NBAS: variants seen among roughly 807,000 people sequenced by gnomAD.
NBAS encodes NAG/BC035112 fusion.
Under a neutral mutation model 302.5 loss-of-function variants are expected in NBAS, and 219 were observed. That is an observed-to-expected ratio of 0.72 (90% confidence interval 0.65 to 0.81). The LOEUF is 0.81. Ranked by LOEUF, NBAS falls within the 30% of genes least tolerant of loss-of-function variation. The pLI, the probability that NBAS is intolerant of heterozygous loss-of-function variation, is 0.00. For missense variants in NBAS, 2,932 were observed against 2,841.6 expected (o/e 1.03, Z -0.72); for synonymous variants, 1,118 against 1,021.6 (o/e 1.09, Z -1.80).
rs1462293385 is a variant in NBAS at position 15,520,207 on chromosome 2, G to GCTACT, written c.747-8858_747-8857insAGTAG. On this transcript the variant is annotated intron_variant, in intron 9 of 51. Coordinates refer to ENST00000281513, the MANE Select transcript of NBAS (RefSeq NM_015909.4). ...ACTTGAAGCCAAGAGTTAGAGACCAGCTTGAGCAACATGGCAAGACCCCAT... is the reference window on the plus strand; with the variant it reads ...ACTTGAAGCCAAGAGTTAGAGACCAGCTACTCTTGAGCAACATGGCAAGACCCCAT... Among the ~76,000 whole-genome samples the GCTACT allele has an allele frequency of 6.6e-5, 10 of 152,276 alleles. 1 individual carries two copies. The South Asian group carries it at 1.5e-3, about 22-fold the overall frequency.
the NBAS span, among the ~76,000 whole-genome samples, chr2:14,951,243 C>T: frequency 2.2e-4 from 33 of 152,242 alleles, no homozygotes; most frequent in Non-Finnish European, 4.3e-4. Context: ...TGGAGCTATC[C>T]AAATGAGGAA....
the NBAS span, among the ~76,000 whole-genome samples, chr2:14,899,292 A>T: frequency 6.6e-6 from 1 of 152,252 alleles, no homozygotes; most frequent in African/African-American, 2.4e-5. Context: ...CTGTGCCCAC[A>T]GCAGTCCAGA....
At chr2:15,464,501 T>C (rs1335955417) in intron 19 of NBAS, among the ~76,000 whole-genome samples, 1 of 152,122 alleles carries the variant, frequency 6.6e-6, no homozygotes, top group Non-Finnish European at 1.5e-5. Flanking sequence ...ACTCCACTTC[T>C]ATAATCATGC....
chr2:14,823,080 G>A, the NBAS span, among the ~76,000 whole-genome samples: 1 of 152,186 alleles, frequency 6.6e-6, no homozygotes, highest in East Asian at 1.9e-4. Flanking sequence ...ATAAATTTTA[G>A]ATAGAATTTT....
chr2:15,160,584 GC>G, the NBAS span, among the ~76,000 whole-genome samples: 2 of 128,326 alleles, frequency 1.6e-5, no homozygotes, highest in Admixed American at 7.6e-5. Flanking sequence ...CCCAGTGTGG[GC>G]GGGGGGAGGG....
In NBAS at chr2:15,328,327, A is replaced by C; in HGVS notation, c.4348-15T>G. Reference sequence around the variant, plus strand: ...CATTTTTGCCCCTAAAAAGAAAAAAAGTACAGAACAATGGATAAAAAGAAA... The same window carrying C: ...CATTTTTGCCCCTAAAAAGAAAAAACGTACAGAACAATGGATAAAAAGAAA... On this transcript the variant is annotated splice_polypyrimidine_tract_variant and intron_variant, in intron 36 of 51. Coordinates refer to ENST00000281513, the MANE Select transcript of NBAS (RefSeq NM_015909.4). The C allele has an allele frequency of 6.3e-7, 1 of 1,593,918 alleles. No individual in the cohort carries two copies. Among genetic ancestry groups the C allele is most frequent in the Non-Finnish European group, 8.6e-7 (1 of 1,161,872 alleles).
intron 32 of NBAS, among the ~76,000 whole-genome samples, chr2:15,361,978 C>T (rs1448093265): frequency 1.4e-5 from 2 of 145,858 alleles, no homozygotes; most frequent in African/African-American, 5.2e-5. Context: ...GAAACTCCAT[C>T]TCAAAAAAAA....
At chr2:15,189,127 T>C (rs1216377423) in intron 49 of NBAS, among the ~76,000 whole-genome samples, 1 of 152,212 alleles carries the variant, frequency 6.6e-6, no homozygotes, top group Non-Finnish European at 1.5e-5. Flanking sequence ...AAAGGTGTTA[T>C]GATGTGAGAG....
At chr2:15,446,148 T>C (rs1184109378) in intron 21 of NBAS, among the ~76,000 whole-genome samples, 1 of 150,972 alleles carries the variant, frequency 6.6e-6, no homozygotes, top group African/African-American at 2.4e-5. Context: ...TTTGAAGAAA[T>C]AATGACCATA....
chr2:15,428,499 G>A (rs1572835124), intron 21 of NBAS, among the ~76,000 whole-genome samples: 1 of 152,244 alleles, frequency 6.6e-6, no homozygotes, highest in Middle Eastern at 3.4e-3. Flanking sequence ...GGAAGCCAAG[G>A]AGGGAGGACT....
Position 15,248,859 on chromosome 2 carries a change from CAG to C in NBAS, c.5725-10175_5725-10174del, listed in dbSNP as rs565349157. Among the ~76,000 whole-genome samples, 268 of 152,262 alleles carry C rather than the reference CAG, an allele frequency of 1.8e-3. 1 individual carries two copies. The highest frequency in any genetic ancestry group is 6.0e-3 in the African/African-American group (248 of 41,532). On this transcript the variant is annotated intron_variant, in intron 44 of 51. Coordinates refer to ENST00000281513, the MANE Select transcript of NBAS (RefSeq NM_015909.4). The stretch of plus-strand genomic sequence containing the variant: ...AAAAAAGTCCAGGACCAGAGGGACT[CAG>C]AGCCGAAATCTACCAGAGATACAAA...
chr2:15,105,651 C>A, the NBAS span, among the ~76,000 whole-genome samples: 3 of 151,948 alleles, frequency 2.0e-5, no homozygotes, highest in Non-Finnish European at 4.4e-5. Context: ...AATGCGTTTC[C>A]AATTTAAGTG....
chr2:15,458,384 G>A (rs944515531), intron 21 of NBAS, among the ~76,000 whole-genome samples: 10 of 152,136 alleles, frequency 6.6e-5, no homozygotes, highest in East Asian at 1.9e-4. Flanking sequence ...TGCTGGAGGC[G>A]GGGTTTGGGT....
chr2:15,476,843 G>A (rs1209578168), intron 13 of NBAS, among the ~76,000 whole-genome samples: 2 of 152,194 alleles, frequency 1.3e-5, no homozygotes, highest in South Asian at 2.1e-4. Flanking sequence ...AACATATGAT[G>A]TGGTTTAAAG....
intron 50 of NBAS, among the ~76,000 whole-genome samples, chr2:15,181,935 G>A (rs1017557154): frequency 6.6e-6 from 1 of 152,258 alleles, no homozygotes; most frequent in Non-Finnish European, 1.5e-5. Flanking sequence ...CCCAGGCATT[G>A]CATGGGGGCT....
At chr2:14,934,276 C>A in the NBAS span, among the ~76,000 whole-genome samples, 1 of 152,204 alleles carries the variant, frequency 6.6e-6, no homozygotes, top group South Asian at 2.1e-4. Context: ...AATTAAAAAC[C>A]TATTTTTTCC....
chr2:15,058,780 C>T, the NBAS span, among the ~76,000 whole-genome samples: 2 of 152,302 alleles, frequency 1.3e-5, no homozygotes, highest in Admixed American at 6.5e-5. Context: ...TTTCCCTCCT[C>T]TGTAATGTGG....
At chr2:15,042,049 A>G in the NBAS span, among the ~76,000 whole-genome samples, 1 of 152,208 alleles carries the variant, frequency 6.6e-6, no homozygotes, top group African/African-American at 2.4e-5. Flanking sequence ...ACAATATTTA[A>G]TAGCACATGC....
chr2:14,840,051 C>T, the NBAS span, among the ~76,000 whole-genome samples: 25 of 151,348 alleles, frequency 1.7e-4, no homozygotes, highest in East Asian at 1.2e-3. Flanking sequence ...AAAGCAATTC[C>T]GAAATTTATT....
Sources: gnomAD v4.1 joint callset for allele counts (sites outside exome capture counted in the v4.1 genomes callset) on GRCh38, gnomAD v4.1.1 for gene constraint, MANE v1.5 for transcripts, NCBI Gene and HGNC (gene_info 2026-07-23, HGNC 2026-07-21) for gene names.